Variants in WWC2 observed in about 807,000 individuals in gnomAD.
WWC2 encodes the protein WW and C2 domain containing 2.
WWC2 carries 101 observed loss-of-function variants against 138.5 expected under a neutral mutation model. The observed-to-expected ratio is 0.73, with a 90% CI of 0.62 to 0.86. WWC2 has a LOEUF of 0.86. Among genes scored for constraint, WWC2 ranks in the 40% least tolerant of loss-of-function variants. The pLI is 0.00. For missense variants in WWC2, 1,420 were observed against 1,419.4 expected, an observed-to-expected ratio of 1.00 and a Z score of -0.01; for synonymous variants, 558 against 538.4, an observed-to-expected ratio of 1.04 and a Z score of -0.50.
chr4:183,292,845 G>A (rs528153326), intron 21 of WWC2, among the ~76,000 whole-genome samples: 1 of 152,328 alleles, frequency 6.6e-6, no homozygotes, highest in Admixed American at 6.5e-5. Flanking sequence ...TCATTTATGA[G>A]TGTAGATGCA....
chr4:183,237,298 A>AT lies in WWC2; in HGVS notation c.523-2871dup, dbSNP rs112907901. On this transcript the variant is annotated intron_variant, in intron 4 of 22. Coordinates refer to ENST00000403733, the MANE Select transcript of WWC2 (RefSeq NM_024949.6). ...TTGAGTGCTATCAATTTTAGGACTG[A>AT]TTTTTTTTTTTTTTCAAAAGATAAA... is the stretch of plus-strand genomic sequence containing the variant. Among the ~76,000 whole-genome samples the AT allele has an allele frequency of 3.5e-3, 500 of 141,452 alleles. 2 individuals carry two copies. Among genetic ancestry groups the AT allele is most frequent in the Middle Eastern group, 7.2e-3 (2 of 276 alleles). 92.8% of individuals were successfully genotyped at this position (141,452 alleles called of 152,430 possible).
chr4:183,187,492 G>T (rs535752834), intron 1 of WWC2, among the ~76,000 whole-genome samples: 3 of 151,276 alleles, frequency 2.0e-5, no homozygotes, highest in Non-Finnish European at 2.9e-5. Flanking sequence ...GGCGGAGGTT[G>T]CAATGAGCCG....
At chr4:183,272,274 G>A (rs1204075995) in intron 16 of WWC2, among the ~76,000 whole-genome samples, 3 of 152,064 alleles carry the variant, frequency 2.0e-5, no homozygotes, top group African/African-American at 4.8e-5. Context: ...CAAACATAAC[G>A]GTACATTTTA....
At chr4:183,290,679 G>A (rs1738418315) in intron 21 of WWC2, among the ~76,000 whole-genome samples, 1 of 152,136 alleles carries the variant, frequency 6.6e-6, no homozygotes, top group African/African-American at 2.4e-5. Context: ...TCCATATGTA[G>A]TAGCAAATAG....
intron 4 of WWC2, among the ~76,000 whole-genome samples, chr4:183,216,515 C>T (rs76752030): frequency 0.017 from 2,624 of 152,232 alleles, 82 homozygotes; most frequent in African/African-American, 0.06. Context: ...GATTAACTAC[C>T]ACAAGAATTG....
intron 16 of WWC2, among the ~76,000 whole-genome samples, chr4:183,277,174 C>G (rs188608135): frequency 2.8e-5 from 4 of 144,448 alleles, no homozygotes; most frequent in Admixed American, 2.1e-4. Context: ...TATTCCTCTT[C>G]CTGTGTCCGT....
Position 183,246,384 on chromosome 4 carries a change from T to C in WWC2, c.732+839T>C, listed in dbSNP as rs569054452. On this transcript the variant is annotated intron_variant, in intron 6 of 22. Coordinates refer to ENST00000403733, the MANE Select transcript of WWC2 (RefSeq NM_024949.6). ...TCACTGATGATGTTTACATTCTCAATAGAACATCTACATTTAAATACCATA... is the reference window on the plus strand; with the variant it reads ...TCACTGATGATGTTTACATTCTCAACAGAACATCTACATTTAAATACCATA... 3.3e-5 allele frequency among the ~76,000 whole-genome samples: 5 copies of C among 152,346 alleles called. No individual in the cohort carries two copies. The South Asian group carries it at 1.0e-3, about 32-fold the overall frequency.
In WWC2 at chr4:183,196,100, C is replaced by T. The variant is rs139037874; in HGVS notation, c.241+2392C>T. On this transcript the variant is annotated intron_variant, in intron 2 of 22. Transcript: ENST00000403733. ...CTCTCACCACATAATGTGGTGCTCC[C>T]GCTTTGCCTTCCGCCAAGAGTAAAA... Among the ~76,000 whole-genome samples the T allele has an allele frequency of 2.7e-3, 416 of 152,238 alleles. 6 individuals are homozygous for T. In the East Asian group the frequency reaches 0.028, roughly 10 times the overall value.
At chr4:183,269,631 G>A (rs1737634770) in intron 15 of WWC2, 1 of 381,508 alleles carries the variant, frequency 2.6e-6, no homozygotes, top group South Asian at 2.0e-5. Flanking sequence ...CATACAACTA[G>A]TAAGCGATGA....
At chr4:183,118,134 C>G (rs929577040) in intron 1 of WWC2, among the ~76,000 whole-genome samples, 4 of 152,148 alleles carry the variant, frequency 2.6e-5, no homozygotes, top group South Asian at 2.1e-4. Flanking sequence ...CTCTTATAGT[C>G]GAGCCTCAGT....
At chr4:183,118,008 C>T (rs952527244) in intron 1 of WWC2, among the ~76,000 whole-genome samples, 20 of 151,920 alleles carry the variant, frequency 1.3e-4, no homozygotes, top group East Asian at 3.9e-4. Flanking sequence ...CCATGTTGGC[C>T]AGGCTGGTCT....
chr4:183,250,985 T>A (rs1736962678), intron 8 of WWC2, among the ~76,000 whole-genome samples: 2 of 152,214 alleles, frequency 1.3e-5, no homozygotes, highest in Admixed American at 1.3e-4. Flanking sequence ...TAACCTGTAT[T>A]CTTAATATTA....
In WWC2 at chr4:183,250,132, C is replaced by T. The variant is rs919398781; in HGVS notation, c.953+139C>T. On this transcript the variant is annotated intron_variant, in intron 8 of 22. Transcript: ENST00000403733. ...ACCCTTCGGTTTTAGCATGTCAGGGCTGCTTCCTCTCTGGTCTACCTTTTC... is the reference window on the plus strand; with the variant it reads ...ACCCTTCGGTTTTAGCATGTCAGGGTTGCTTCCTCTCTGGTCTACCTTTTC... 40 of 698,382 alleles carry T rather than the reference C, an allele frequency of 5.7e-5. No homozygotes were observed. The South Asian group carries it at 7.3e-4, about 13-fold the overall frequency. The allele number at this position is 698,382 out of a possible 1,614,324, so 43.3% of individuals were successfully genotyped here. A position where few individuals can be genotyped will look rare whatever the true frequency, so the allele number is the denominator to read the frequency against.
At chr4:183,140,140 C>A (rs763517170) in intron 1 of WWC2, among the ~76,000 whole-genome samples, 1 of 152,074 alleles carries the variant, frequency 6.6e-6, no homozygotes, top group African/African-American at 2.4e-5. Context: ...ACTGCTGCAT[C>A]GCTGGTATGT....
rs189244304 is a variant in WWC2 at position 183,146,283 on chromosome 4, G to A, written c.131+46661G>A. Among the ~76,000 whole-genome samples, 15 of 152,164 alleles carry A rather than the reference G, an allele frequency of 9.9e-5. No individual in the cohort carries two copies. The East Asian group carries it at 2.3e-3, about 24-fold the overall frequency. On this transcript the variant is annotated intron_variant, in intron 1 of 22. Coordinates refer to ENST00000403733, the MANE Select transcript of WWC2 (RefSeq NM_024949.6). The stretch of plus-strand genomic sequence containing the variant: ...GGACCATGATTTCATTTTCATCGTC[G>A]GCTTTAGGTGTTGGTAGAACTGGAC...
intron 1 of WWC2, among the ~76,000 whole-genome samples, chr4:183,153,644 T>TC (rs1230548551): frequency 6.8e-6 from 1 of 147,364 alleles, no homozygotes; most frequent in African/African-American, 2.6e-5. Flanking sequence ...CTAGAAGTAG[T>TC]CTTTTTTTTT....
intron 1 of WWC2, among the ~76,000 whole-genome samples, chr4:183,135,210 C>T (rs571745926): frequency 1.4e-4 from 21 of 152,212 alleles, no homozygotes; most frequent in African/African-American, 4.8e-4. Flanking sequence ...TGAGCGACCC[C>T]GCCTGGCTGA....
intron 1 of WWC2, among the ~76,000 whole-genome samples, chr4:183,155,888 T>A (rs915179637): frequency 2.0e-5 from 3 of 152,194 alleles, no homozygotes; most frequent in Non-Finnish European, 4.4e-5. Context: ...AAATCAGGAT[T>A]TTTCAGTCTG....
chr4:183,157,231 T>A lies in WWC2; in HGVS notation c.132-36368T>A, dbSNP rs1026914832. Among the ~76,000 whole-genome samples the A allele has an allele frequency of 2.6e-5, 4 of 152,218 alleles. No individual in the cohort carries two copies. The East Asian group carries it at 7.7e-4, about 29-fold the overall frequency. ...ATTTGACATTTTTGAAGAACACAGA[T>A]CACTTAATTGGGTCCTCAATTCGTG... On this transcript the variant is annotated intron_variant, in intron 1 of 22. Transcript: ENST00000403733.
Sources: allele counts gnomAD v4.1 joint callset (sites outside exome capture counted in the v4.1 genomes callset), GRCh38; gene constraint gnomAD v4.1.1; transcripts MANE v1.5; gene names NCBI Gene and HGNC (gene_info 2026-07-23, HGNC 2026-07-21).